The following GLI3 variants were observed in gnomAD, a reference collection of about 807,000 sequenced individuals.
GLI3 encodes GLI family zinc finger 3.
A neutral mutation model predicts 100.8 loss-of-function variants in GLI3; 20 were observed. The observed-to-expected ratio is 0.20, with a 90% CI of 0.14 to 0.29. GLI3 has a LOEUF of 0.29. GLI3 is among the 10% of genes least tolerant of loss of function. The pLI is 1.00. For missense variants in GLI3, 2,040 were observed against 2,128.5 expected (o/e 0.96, Z 0.82); for synonymous variants, 938 against 860.5 (o/e 1.09, Z -1.58).
intron 10 of GLI3, among the ~76,000 whole-genome samples, chr7:42,020,068 AT>A (rs1479114257): frequency 6.6e-6 from 1 of 152,172 alleles, no homozygotes; most frequent in African/African-American, 2.4e-5. Context: ...TAAACACATA[AT>A]TGGTGAAGAA....
chr7:42,212,215 G>A (rs1274744314), intron 2 of GLI3, among the ~76,000 whole-genome samples: 2 of 152,128 alleles, frequency 1.3e-5, no homozygotes, highest in African/African-American at 4.8e-5. Context: ...TATGCACACA[G>A]AAATGACTCA....
chr7:42,236,247 C>T (rs1788790172), intron 1 of GLI3, among the ~76,000 whole-genome samples: 2 of 152,218 alleles, frequency 1.3e-5, no homozygotes, highest in African/African-American at 4.8e-5. Flanking sequence ...AAGAAAGTAA[C>T]TGTCCCCTGC....
Position 42,028,770 on chromosome 7 carries a change from A to AAATAAT in GLI3, c.1029-2364_1029-2359dup, listed in dbSNP as rs147616149. Among the ~76,000 whole-genome samples the AAATAAT allele has an allele frequency of 3.2e-3, 461 of 146,040 alleles. 2 individuals carry two copies. The highest frequency in any genetic ancestry group is 4.1e-3 in the Non-Finnish European group (273 of 66,644). On this transcript the variant is annotated intron_variant, in intron 7 of 14. Transcript: ENST00000395925. ...CAGAGCAAGACTCCGTCTCAAAAATAAATAATAATAATAATAATAATAATA... is the reference window on the plus strand; with the variant it reads ...CAGAGCAAGACTCCGTCTCAAAAATAAATAATAATAATAATAATAATAATAATAATA...
intron 2 of GLI3, among the ~76,000 whole-genome samples, chr7:42,182,927 C>T (rs917416654): frequency 1.5e-4 from 23 of 151,326 alleles, no homozygotes; most frequent in Non-Finnish European, 5.9e-5. Context: ...ACTAAAAATA[C>T]ACAAAAAAAT....
intron 3 of GLI3, among the ~76,000 whole-genome samples, chr7:42,084,703 A>G (rs1785064787): frequency 6.6e-6 from 1 of 152,230 alleles, no homozygotes; most frequent in Non-Finnish European, 1.5e-5. Context: ...ACATGTAAAC[A>G]TATAAGGAAT....
chr7:42,218,773 T>G, intron 2 of GLI3, among the ~76,000 whole-genome samples: 1 of 152,194 alleles, frequency 6.6e-6, no homozygotes, highest in Admixed American at 6.5e-5. Context: ...CTTTAAAGTA[T>G]GTTCCCAATA....
intron 2 of GLI3, among the ~76,000 whole-genome samples, chr7:42,188,183 G>A (rs1176341211): frequency 6.6e-6 from 1 of 152,020 alleles, no homozygotes; most frequent in Non-Finnish European, 1.5e-5. Context: ...CCGTCAGAGG[G>A]AGTATGGGCC....
chr7:42,117,246 G>A (rs1280819110), intron 3 of GLI3, among the ~76,000 whole-genome samples: 2 of 152,208 alleles, frequency 1.3e-5, no homozygotes, highest in African/African-American at 4.8e-5. Context: ...GGAAGGAGAA[G>A]GAAATGATAC....
At chr7:42,218,013 T>C (rs368849895) in intron 2 of GLI3, among the ~76,000 whole-genome samples, 1 of 152,344 alleles carries the variant, frequency 6.6e-6, no homozygotes, top group African/African-American at 2.4e-5. Context: ...AAAGTTAATC[T>C]GCTCACACTC....
rs146556791 is a variant in GLI3, at chr7:41,965,924, G to A, written c.3149C>T (p.Thr1050Met). Residue 1050 changes from threonine to methionine, a missense_variant, in exon 15 of 15, where the codon ACG becomes ATG. Around this residue, in one of 5 missense-constraint regions of GLI3, gnomAD observed 1,041 missense variants for 924.0 expected, o/e 1.13. Coordinates refer to ENST00000395925, the MANE Select transcript of GLI3 (RefSeq NM_000168.6). ...EKRSLVLQNY[T>M]RPEGGQSRNF... ...TCGGGACTGGCCGCCCTCGGGCCGCGTGTAATTCTGAAGCACGAGACTGCG... is the reference window on the plus strand; with the variant it reads ...TCGGGACTGGCCGCCCTCGGGCCGCATGTAATTCTGAAGCACGAGACTGCG... 4.0e-5 allele frequency: 64 copies of A among 1,613,148 alleles called. No individual in the cohort carries two copies. The highest frequency in any genetic ancestry group is 1.0e-4 in the Admixed American group (6 of 60,010).
At chr7:42,156,190 C>T (rs933093890) in intron 2 of GLI3, among the ~76,000 whole-genome samples, 3 of 152,074 alleles carry the variant, frequency 2.0e-5, no homozygotes, top group African/African-American at 2.4e-5. Context: ...AGGGCCCCAG[C>T]GGGTTCGCCT....
chr7:42,046,770 C>T (rs1784253614), intron 5 of GLI3, among the ~76,000 whole-genome samples: 1 of 152,178 alleles, frequency 6.6e-6, no homozygotes, highest in African/African-American at 2.4e-5. Context: ...CACCAACTCC[C>T]AAGGACTTGA....
chr7:42,145,843 T>A (rs1406457097), intron 3 of GLI3, among the ~76,000 whole-genome samples: 1 of 152,158 alleles, frequency 6.6e-6, no homozygotes, highest in Non-Finnish European at 1.5e-5. Flanking sequence ...TTTTAGTTAA[T>A]ACTTTATTTG....
intron 11 of GLI3, 97 bp from the exon 12 acceptor site, chr7:41,977,819 G>T: frequency 9.0e-7 from 1 of 1,116,848 alleles, no homozygotes. Context: ...GATGTTTCAA[G>T]GGTCAGCAGC....
At chr7:42,182,182 A>G (rs1266261659) in intron 2 of GLI3, among the ~76,000 whole-genome samples, 8 of 152,172 alleles carry the variant, frequency 5.3e-5, no homozygotes, top group African/African-American at 1.4e-4. Flanking sequence ...CAAGGCAGCC[A>G]GTAGACCCGT....
chr7:42,240,081 CAA>C (rs891687543), upstream of GLI3, among the ~76,000 whole-genome samples: 1 of 152,102 alleles, frequency 6.6e-6, no homozygotes, highest in African/African-American at 2.4e-5. Flanking sequence ...TGTAAAAACC[CAA>C]AGACACCCAG....
intron 2 of GLI3, among the ~76,000 whole-genome samples, chr7:42,211,335 T>G (rs1013364542): frequency 6.6e-6 from 1 of 152,224 alleles, no homozygotes; most frequent in Non-Finnish European, 1.5e-5. Flanking sequence ...TAAAACATTG[T>G]TAGCCTACAC....
intron 2 of GLI3, among the ~76,000 whole-genome samples, chr7:42,192,139 C>T (rs1309591015): frequency 6.6e-6 from 1 of 152,006 alleles, no homozygotes; most frequent in Non-Finnish European, 1.5e-5. Context: ...ATAGATTTAA[C>T]ACAATTCCAA....
chr7:42,041,143 G>A (rs1784128603), intron 6 of GLI3, among the ~76,000 whole-genome samples: 1 of 152,126 alleles, frequency 6.6e-6, no homozygotes, highest in Non-Finnish European at 1.5e-5. Context: ...GAACCTATAG[G>A]GCATTTTAGC....
Sources: gnomAD v4.1 joint callset for allele counts (sites outside exome capture counted in the v4.1 genomes callset) on GRCh38, gnomAD v4.1.1 for gene constraint, gnomAD v4.1.1 regional missense constraint, MANE v1.5 for transcripts, NCBI Gene and HGNC (gene_info 2026-07-23, HGNC 2026-07-21) for gene names.